The following ATP8A1 variants were observed in gnomAD, a reference collection of about 807,000 sequenced individuals.
ATP8A1 encodes ATPase phospholipid transporting 8A1, also known as phospholipid-transporting ATPase IA.
In ATP8A1, 90 loss-of-function variants were observed where a neutral mutation model predicts 177.7. The observed-to-expected ratio is 0.51, with a 90% CI of 0.43 to 0.60. The LOEUF (loss-of-function observed/expected upper bound fraction) is 0.60. Ranked by LOEUF, ATP8A1 falls within the 20% of genes least tolerant of loss-of-function variation. The pLI is 0.00. For missense variants in ATP8A1, 1,072 were observed against 1,392.8 expected (o/e 0.77, Z 3.67); for synonymous variants, 493 against 485.9 (o/e 1.01, Z -0.19).
At chr4:42,426,155 G>C (rs16854359) in intron 33 of ATP8A1, among the ~76,000 whole-genome samples, 29,564 of 152,182 alleles carry the variant, frequency 0.19, 3,044 homozygotes, top group Non-Finnish European at 0.23. Flanking sequence ...AAGTCAGGGG[G>C]CATGACCGAT....
intron 1 of ATP8A1, among the ~76,000 whole-genome samples, chr4:42,639,846 T>C (rs1739785307): frequency 6.6e-6 from 1 of 152,212 alleles, no homozygotes; most frequent in Non-Finnish European, 1.5e-5. Flanking sequence ...TTACCTTATA[T>C]AAAGTGATGT....
intron 26 of ATP8A1, 28 bp downstream of exon 26, chr4:42,464,865 G>A (rs753590806): frequency 2.5e-6 from 4 of 1,612,934 alleles, no homozygotes; most frequent in Admixed American, 3.3e-5. Context: ...TGAGAGGAAT[G>A]ATGTGTTTTG....
chr4:42,644,544 G>A (rs190052674), intron 1 of ATP8A1, among the ~76,000 whole-genome samples: 151 of 152,076 alleles, frequency 9.9e-4, no homozygotes, highest in African/African-American at 3.2e-3. Context: ...GACAAATAAG[G>A]ATAGATGAGA....
chr4:42,570,383 TC>T (rs1731781254), intron 14 of ATP8A1, among the ~76,000 whole-genome samples: 2 of 152,170 alleles, frequency 1.3e-5, no homozygotes, highest in African/African-American at 4.8e-5. Flanking sequence ...TGGCTGCAAC[TC>T]CATGTTTAAA....
chr4:42,418,883 A>C (rs1420437541), intron 35 of ATP8A1, among the ~76,000 whole-genome samples: 1 of 152,208 alleles, frequency 6.6e-6, no homozygotes, highest in Non-Finnish European at 1.5e-5. Context: ...AAGATGAGAA[A>C]TTATTGTAAA....
chr4:42,412,688 C>T lies in ATP8A1; in HGVS notation c.*228G>A, dbSNP rs1049359620. 2.0e-5 allele frequency: 8 copies of T among 399,610 alleles called. 1 individual carries two copies. Among genetic ancestry groups the T allele is most frequent in the Middle Eastern group, 1.3e-3 (2 of 1,574 alleles). 24.8% of individuals were successfully genotyped at this position (399,610 alleles called of 1,614,324 possible). A position where few individuals can be genotyped will look rare whatever the true frequency, so the allele number is the denominator to read the frequency against. On this transcript the variant is annotated 3_prime_UTR_variant, in exon 37 of 37. Coordinates refer to ENST00000381668, the MANE Select transcript of ATP8A1 (RefSeq NM_006095.2). Reference sequence around the variant, plus strand: ...CCAGGTCATTTTCAATTTCCGTTTACAAAGACTTAGCAAATACCTTAAAAA... The same window carrying T: ...CCAGGTCATTTTCAATTTCCGTTTATAAAGACTTAGCAAATACCTTAAAAA...
intron 33 of ATP8A1, among the ~76,000 whole-genome samples, chr4:42,430,133 C>T (rs1162995716): frequency 6.6e-6 from 1 of 151,692 alleles, no homozygotes; most frequent in African/African-American, 2.4e-5. Context: ...TCTACCATAA[C>T]AAAAACATTT....
At chr4:42,420,283 C>T (rs73813654) in intron 35 of ATP8A1, among the ~76,000 whole-genome samples, 28 of 152,272 alleles carry the variant, frequency 1.8e-4, no homozygotes, top group African/African-American at 6.7e-4. Context: ...CACCAGTGGG[C>T]GGCAGTGGCA....
At chr4:42,523,044 A>G (rs1044141141) in intron 21 of ATP8A1, among the ~76,000 whole-genome samples, 2 of 152,178 alleles carry the variant, frequency 1.3e-5, no homozygotes, top group African/African-American at 4.8e-5. Context: ...ACTAGGATAT[A>G]TGACTGCATT....
In ATP8A1 at chr4:42,556,042, T is replaced by C; in HGVS notation, c.1341-2A>G. ...TCATCTCCAAACTGTGAGTTCTGCC[T>C]GAAGGGGGTAAAAAATAGAGTAAAC... On this transcript the variant is annotated splice_acceptor_variant, in intron 15 of 36. Coordinates refer to ENST00000381668, the MANE Select transcript of ATP8A1 (RefSeq NM_006095.2). LOFTEE classifies it high-confidence loss of function. 6.2e-7 allele frequency: 1 copy of C among 1,608,656 alleles called. No homozygotes were observed. The highest frequency in any genetic ancestry group is 8.5e-7 in the Non-Finnish European group (1 of 1,176,678).
chr4:42,519,290 C>T (rs891233481), intron 22 of ATP8A1, among the ~76,000 whole-genome samples: 14 of 151,986 alleles, frequency 9.2e-5, no homozygotes, highest in Non-Finnish European at 1.9e-4. Context: ...TGGAGTCTCC[C>T]CCTATGTTCC....
At chr4:42,504,048 G>T (rs947331558) in intron 23 of ATP8A1, among the ~76,000 whole-genome samples, 8 of 152,118 alleles carry the variant, frequency 5.3e-5, no homozygotes, top group Non-Finnish European at 8.8e-5. Flanking sequence ...GGCCTACTCT[G>T]TACCTGTTTG....
At position 42,443,485 on chromosome 4, in the gene ATP8A1, T is replaced by C. The variant is rs536321125; in HGVS notation, c.3123+80A>G. 1.0e-4 allele frequency: 67 copies of C among 642,676 alleles called. 3 individuals are homozygous for C. The South Asian group carries it at 1.3e-3, about 13-fold the overall frequency. 39.8% of individuals were successfully genotyped at this position (642,676 alleles called of 1,614,324 possible). A position where few individuals can be genotyped will look rare whatever the true frequency, so the allele number is the denominator to read the frequency against. On this transcript the variant is annotated intron_variant, in intron 33 of 36. Coordinates refer to ENST00000381668, the MANE Select transcript of ATP8A1 (RefSeq NM_006095.2). ...TAATATAAATCAACAAGATGGAAAA[T>C]TATGCTAAACGATTAAGGTTTGCTA...
chr4:42,416,138 C>A (rs1392468422), intron 35 of ATP8A1, among the ~76,000 whole-genome samples: 1 of 152,190 alleles, frequency 6.6e-6, no homozygotes, highest in Non-Finnish European at 1.5e-5. Context: ...TCTTACTCTA[C>A]TCTTTAAATG....
intron 16 of ATP8A1, among the ~76,000 whole-genome samples, chr4:42,555,210 G>GCCC (rs545566513): frequency 0.034 from 3,778 of 109,792 alleles, 187 homozygotes; most frequent in African/African-American, 0.086. Flanking sequence ...TATTAGTTCT[G>GCCC]CCCCCCCCTA....
chr4:42,554,760 G>A (rs936598650), intron 16 of ATP8A1, among the ~76,000 whole-genome samples: 2 of 152,154 alleles, frequency 1.3e-5, no homozygotes, highest in Admixed American at 6.5e-5. Context: ...ACTGAAGGAC[G>A]CAAAGTGTTG....
chr4:42,563,206 C>T lies in ATP8A1; in HGVS notation c.1340+5955G>A, dbSNP rs188357588. Reference sequence around the variant, plus strand: ...AGGCTGAGGTAGTCTCAGATGCAGACAAGGAACTTGTTGGGAACTGGAGAA... The same window carrying T: ...AGGCTGAGGTAGTCTCAGATGCAGATAAGGAACTTGTTGGGAACTGGAGAA... On this transcript the variant is annotated intron_variant, in intron 15 of 36. Coordinates refer to ENST00000381668, the MANE Select transcript of ATP8A1 (RefSeq NM_006095.2). Among the ~76,000 whole-genome samples, 1,452 of 152,184 alleles carry T rather than the reference C, an allele frequency of 9.5e-3. 20 individuals are homozygous for T. Among genetic ancestry groups the T allele is most frequent in the African/African-American group, 0.03 (1,236 of 41,514 alleles).
At chr4:42,622,776 G>A (rs556204861) in intron 4 of ATP8A1, among the ~76,000 whole-genome samples, 1 of 152,150 alleles carries the variant, frequency 6.6e-6, no homozygotes, top group Admixed American at 6.5e-5. Flanking sequence ...TTGGGAGGAC[G>A]TGGCAGGTGG....
chr4:42,543,093 T>G (rs2153206681), intron 20 of ATP8A1, among the ~76,000 whole-genome samples: 1 of 152,280 alleles, frequency 6.6e-6, no homozygotes, highest in South Asian at 2.1e-4. Context: ...ATGAAATAAT[T>G]CTACCAAAAT....
Sources: allele counts gnomAD v4.1 joint callset (sites outside exome capture counted in the v4.1 genomes callset), GRCh38; gene constraint gnomAD v4.1.1; transcripts MANE v1.5; gene names NCBI Gene and HGNC (gene_info 2026-07-23, HGNC 2026-07-21).